The following LARGE1 variants were observed in gnomAD, a reference collection of about 807,000 sequenced individuals.
LARGE1 encodes LARGE xylosyl- and glucuronyltransferase 1.
LARGE1 carries 43 observed loss-of-function variants against 87.6 expected under a neutral mutation model. The ratio of observed to expected loss-of-function variants is 0.49; its 90% CI spans 0.38 to 0.63. LARGE1 has a LOEUF of 0.63. Among genes scored for constraint, LARGE1 ranks in the 30% least tolerant of loss-of-function variants. The pLI, the probability that LARGE1 is intolerant of heterozygous loss-of-function variation, is 0.00. For missense variants in LARGE1, 802 were observed against 1,000.2 expected (o/e 0.80, Z 2.67); for synonymous variants, 434 against 394.6 (o/e 1.10, Z -1.18).
Position 33,243,738 on chromosome 22 carries a change from G to A in LARGE1, c.1730+60491C>T, listed in dbSNP as rs145513712. 4.9e-3 allele frequency among the ~76,000 whole-genome samples: 747 copies of A among 152,278 alleles called. 4 individuals are homozygous for A. The highest frequency in any genetic ancestry group is 8.7e-3 in the Non-Finnish European group (593 of 68,006). ...TGCTAATATTTTTTTGTGGGCATAT[G>A]TTCTTATTTCTTTTGGATAAATATT... is the stretch of plus-strand genomic sequence containing the variant. On this transcript the variant is annotated intron_variant, in intron 11 of 11. Coordinates refer to the LARGE1 transcript ENST00000608642.
At chr22:33,786,856 C>T (rs2085660901) in intron 1 of LARGE1, among the ~76,000 whole-genome samples, 1 of 151,932 alleles carries the variant, frequency 6.6e-6, no homozygotes, top group Non-Finnish European at 1.5e-5. Context: ...TCCGTCTCTA[C>T]TAAAAAATAC....
intron 1 of LARGE1, among the ~76,000 whole-genome samples, chr22:33,766,907 CATATACATATATATATATATATAT>C (rs2084918142): frequency 1.4e-5 from 1 of 69,774 alleles, no homozygotes; most frequent in Admixed American, 2.0e-4. Flanking sequence ...CTAATTTAAA[CATATACATATATATATATATATAT>C]ATATATATAT....
At chr22:33,597,109 G>A (rs972294803) in intron 5 of LARGE1, among the ~76,000 whole-genome samples, 8 of 151,962 alleles carry the variant, frequency 5.3e-5, no homozygotes, top group Admixed American at 1.3e-4. Context: ...AGAGCATTTC[G>A]TCACAGCACC....
intron 6 of LARGE1, among the ~76,000 whole-genome samples, chr22:33,480,656 TAAAAC>T (rs1345506348): frequency 1.3e-5 from 2 of 151,922 alleles, no homozygotes; most frequent in African/African-American, 4.8e-5. Context: ...TTTCTGATGA[TAAAAC>T]AAAAAAAATT....
intron 6 of LARGE1, among the ~76,000 whole-genome samples, chr22:33,439,941 C>G (rs747765639): frequency 6.6e-6 from 1 of 152,198 alleles, no homozygotes; most frequent in Non-Finnish European, 1.5e-5. Context: ...CCAAATCCCA[C>G]AGATTTTATC....
At chr22:33,534,105 C>T (rs1321387903) in intron 6 of LARGE1, among the ~76,000 whole-genome samples, 1 of 152,040 alleles carries the variant, frequency 6.6e-6, no homozygotes, top group Non-Finnish European at 1.5e-5. Flanking sequence ...CAGGCCTTCA[C>T]TAAAGAGGGA....
At chr22:33,258,581 C>T (rs573506113) in intron 11 of LARGE1, among the ~76,000 whole-genome samples, 9 of 152,214 alleles carry the variant, frequency 5.9e-5, no homozygotes, top group African/African-American at 1.4e-4. Flanking sequence ...TAGATGTTTA[C>T]GGTTAAGGGA....
intron 2 of LARGE1, among the ~76,000 whole-genome samples, chr22:33,741,164 C>G (rs184550567): frequency 1.3e-5 from 2 of 152,202 alleles, no homozygotes; most frequent in East Asian, 3.8e-4. Flanking sequence ...GAAGGCCACA[C>G]GTGTGGAATA....
intron 7 of LARGE1, among the ~76,000 whole-genome samples, chr22:33,429,800 C>G (rs1249039954): frequency 6.6e-6 from 1 of 152,120 alleles, no homozygotes; most frequent in Non-Finnish European, 1.5e-5. Flanking sequence ...CACAAAAGAT[C>G]AACACGGGGT....
intron 5 of LARGE1, among the ~76,000 whole-genome samples, chr22:33,595,100 G>A (rs1223253249): frequency 6.6e-6 from 1 of 152,132 alleles, no homozygotes; most frequent in Non-Finnish European, 1.5e-5. Flanking sequence ...CCTCTCTGTG[G>A]CATGGAGTTC....
chr22:33,689,450 A>G (rs1442370421), intron 2 of LARGE1, among the ~76,000 whole-genome samples: 1 of 152,190 alleles, frequency 6.6e-6, no homozygotes, highest in East Asian at 1.9e-4. Context: ...CGAAGGCAAA[A>G]ACCAAACAGG....
chr22:33,503,215 G>A (rs1020424419), intron 6 of LARGE1, among the ~76,000 whole-genome samples: 1 of 151,540 alleles, frequency 6.6e-6, no homozygotes, highest in Non-Finnish European at 1.5e-5. Context: ...TGGTCCAGTT[G>A]CCTTGGAAAA....
chr22:33,235,036 G>C (rs1602128821), intron 11 of LARGE1, among the ~76,000 whole-genome samples: 1 of 152,226 alleles, frequency 6.6e-6, no homozygotes, highest in Non-Finnish European at 1.5e-5. Context: ...CAAATAAATG[G>C]TACAGCTAAG....
intron 1 of LARGE1, among the ~76,000 whole-genome samples, chr22:33,791,118 TTATTC>T (rs1307562620): frequency 1.3e-5 from 2 of 152,196 alleles, no homozygotes; most frequent in African/African-American, 2.4e-5. Flanking sequence ...AATGAAAACT[TTATTC>T]TATAAGTAAA....
chr22:33,163,894 G>C (rs1458266511), exon 12 of LARGE1: 2 of 152,220 alleles, frequency 1.3e-5, no homozygotes, highest in African/African-American at 4.8e-5. Context: ...TGGGCTATCA[G>C]TGCCAAATCA....
intron 1 of LARGE1, among the ~76,000 whole-genome samples, chr22:33,769,496 A>G (rs2085001968): frequency 6.6e-6 from 1 of 152,186 alleles, no homozygotes; most frequent in Non-Finnish European, 1.5e-5. Context: ...ATAAATATTT[A>G]TTGAATGGAT....
chr22:33,479,714 G>A (rs1430352020), intron 6 of LARGE1, among the ~76,000 whole-genome samples: 2 of 151,250 alleles, frequency 1.3e-5, no homozygotes, highest in South Asian at 2.1e-4. Flanking sequence ...AAATCAAAAT[G>A]AGGGGCAAGG....
At chr22:33,781,851 G>A (rs1049967225) in intron 1 of LARGE1, among the ~76,000 whole-genome samples, 7 of 152,128 alleles carry the variant, frequency 4.6e-5, no homozygotes, top group African/African-American at 1.7e-4. Flanking sequence ...GATAAAAATA[G>A]AAAGCAATGC....
intron 1 of LARGE1, among the ~76,000 whole-genome samples, chr22:33,807,351 A>G (rs2086345591): frequency 6.6e-6 from 1 of 152,194 alleles, no homozygotes; most frequent in Non-Finnish European, 1.5e-5. Flanking sequence ...TTTCGTAACC[A>G]GGTCTTTAGT....
Sources: allele counts gnomAD v4.1 joint callset (sites outside exome capture counted in the v4.1 genomes callset), GRCh38; gene constraint gnomAD v4.1.1; transcripts MANE v1.5; gene names NCBI Gene and HGNC (gene_info 2026-07-23, HGNC 2026-07-21).